The following SLC2A13 variants were observed in gnomAD, a reference collection of about 807,000 sequenced individuals.
SLC2A13 encodes proton myo-inositol cotransporter.
SLC2A13 carries 32 observed loss-of-function variants against 64.4 expected under a neutral mutation model. The observed-to-expected ratio is 0.50, with a 90% confidence interval of 0.37 to 0.67. SLC2A13 has a LOEUF of 0.67. Among genes scored for constraint, SLC2A13 ranks in the 30% least tolerant of loss-of-function variants. The pLI, the probability that SLC2A13 is intolerant of heterozygous loss-of-function variation, is 0.00. For synonymous variants in SLC2A13, 338 were observed against 327.1 expected, an observed-to-expected ratio of 1.03 and a Z score of -0.36; for missense variants, 743 against 829.2, an observed-to-expected ratio of 0.90 and a Z score of 1.28.
At chr12:39,953,886 A>G (rs1946273941) in intron 3 of SLC2A13, among the ~76,000 whole-genome samples, 2 of 152,170 alleles carry the variant, frequency 1.3e-5, no homozygotes, top group African/African-American at 4.8e-5. Context: ...AGCAGGGATG[A>G]AAAAGAGTCC....
chr12:39,896,509 C>CATGTATACATGTATGTATGT (rs1256037530), intron 4 of SLC2A13, among the ~76,000 whole-genome samples: 2 of 131,226 alleles, frequency 1.5e-5, no homozygotes, highest in East Asian at 2.3e-4. Flanking sequence ...TATGTATGTA[C>CATGTATACATGTATGTATGT]ATGTGTGTAT....
chr12:39,769,762 CTCTCA>C (rs1164343160), intron 7 of SLC2A13, among the ~76,000 whole-genome samples: 1 of 148,782 alleles, frequency 6.7e-6, no homozygotes, highest in East Asian at 1.9e-4. Flanking sequence ...TGTTCAACTC[CTCTCA>C]TATTACCACA....
chr12:39,930,673 A>G (rs1272480834), intron 4 of SLC2A13, among the ~76,000 whole-genome samples: 1 of 152,236 alleles, frequency 6.6e-6, no homozygotes, highest in Non-Finnish European at 1.5e-5. Flanking sequence ...CTTTCACAGT[A>G]AGATTTATAG....
chr12:39,956,039 T>A (rs1946309251), intron 3 of SLC2A13, among the ~76,000 whole-genome samples: 1 of 152,154 alleles, frequency 6.6e-6, no homozygotes, highest in South Asian at 2.1e-4. Flanking sequence ...ATGACCAATA[T>A]CAGGAGTAAA....
intron 1 of SLC2A13, 27 bp from the exon 2 acceptor site, chr12:40,048,237 G>C (rs373932303): frequency 1.5e-5 from 23 of 1,574,592 alleles, no homozygotes; most frequent in Non-Finnish European, 2.0e-5. Flanking sequence ...AAGTAAATGT[G>C]AGACATTTAC....
intron 3 of SLC2A13, among the ~76,000 whole-genome samples, chr12:39,951,940 A>G (rs980704961): frequency 9.9e-5 from 15 of 152,116 alleles, no homozygotes; most frequent in Non-Finnish European, 4.4e-5. Flanking sequence ...AAGAAAAACA[A>G]TTAATACCTA....
chr12:40,040,129 G>A (rs1319623943), intron 2 of SLC2A13, among the ~76,000 whole-genome samples: 1 of 152,158 alleles, frequency 6.6e-6, no homozygotes, highest in Non-Finnish European at 1.5e-5. Context: ...CGAATATAGA[G>A]ACTTAACCTA....
intron 5 of SLC2A13, among the ~76,000 whole-genome samples, chr12:39,871,257 T>C (rs1264574704): frequency 6.6e-6 from 1 of 152,178 alleles, no homozygotes. Flanking sequence ...TTTGCTATCA[T>C]AGAAAATACA....
chr12:39,970,746 G>T (rs1052977204), intron 3 of SLC2A13, among the ~76,000 whole-genome samples: 1 of 152,082 alleles, frequency 6.6e-6, no homozygotes, highest in Non-Finnish European at 1.5e-5. Context: ...TAATATCAGG[G>T]TCCTGATGCT....
chr12:40,066,941 G>A (rs940268972), intron 1 of SLC2A13, among the ~76,000 whole-genome samples: 2 of 152,112 alleles, frequency 1.3e-5, no homozygotes, highest in Non-Finnish European at 2.9e-5. Flanking sequence ...AATTCTTAGG[G>A]AAACTAATTT....
In SLC2A13 at chr12:39,923,548, G is replaced by A. The variant is rs75284910; in HGVS notation, c.1034+27709C>T. Among the ~76,000 whole-genome samples the A allele has an allele frequency of 1.7e-3, 259 of 151,894 alleles. 1 individual carries two copies. The highest frequency in any genetic ancestry group is 5.5e-3 in the African/African-American group (226 of 41,440). On this transcript the variant is annotated intron_variant, in intron 4 of 9. Coordinates refer to ENST00000280871, the MANE Select transcript of SLC2A13 (RefSeq NM_052885.4). ...TAATGTGTACAGAGTTTCTGTTTGG[G>A]GCAATGAAAAAGTTCCAGAAATGGA...
chr12:40,023,033 C>T (rs760049546), intron 3 of SLC2A13, among the ~76,000 whole-genome samples: 1 of 152,180 alleles, frequency 6.6e-6, no homozygotes, highest in Non-Finnish European at 1.5e-5. Flanking sequence ...TCTCCCTTGC[C>T]TGCCTTCCTT....
At chr12:39,891,662 A>C (rs1200352861) in intron 4 of SLC2A13, among the ~76,000 whole-genome samples, 3 of 152,144 alleles carry the variant, frequency 2.0e-5, no homozygotes, top group Non-Finnish European at 4.4e-5. Flanking sequence ...GGTATGTATT[A>C]CTATTGCAAT....
chr12:39,864,981 A>G, intron 5 of SLC2A13, 99 bp from the exon 6 acceptor site: 1 of 1,148,028 alleles, frequency 8.7e-7, no homozygotes. Flanking sequence ...AGAAACAAAC[A>G]AAAACTCCTG....
intron 6 of SLC2A13, among the ~76,000 whole-genome samples, chr12:39,838,840 C>T (rs556761285): frequency 7.9e-5 from 12 of 152,128 alleles, no homozygotes; most frequent in East Asian, 3.9e-4. Flanking sequence ...CTCTGCAAAA[C>T]GGTCCATTTG....
At chr12:39,864,918 G>A (rs1592219665) in intron 5 of SLC2A13, 36 bp from the exon 6 acceptor site, 3 of 1,573,148 alleles carry the variant, frequency 1.9e-6, no homozygotes, top group African/African-American at 1.4e-5. Flanking sequence ...GAGAAGAGTT[G>A]ACAATATTGT....
intron 7 of SLC2A13, among the ~76,000 whole-genome samples, chr12:39,825,511 G>C (rs982691833): frequency 6.6e-6 from 1 of 152,012 alleles, no homozygotes; most frequent in African/African-American, 2.4e-5. Flanking sequence ...CTGTAAGTAG[G>C]GTATAGAAAT....
chr12:39,883,997 C>T (rs1944409423), intron 4 of SLC2A13, among the ~76,000 whole-genome samples: 1 of 152,188 alleles, frequency 6.6e-6, no homozygotes, highest in African/African-American at 2.4e-5. Flanking sequence ...CTTCTTTACA[C>T]ATTTCCAATT....
At chr12:40,007,378 TATAA>T (rs1215427907) in intron 3 of SLC2A13, among the ~76,000 whole-genome samples, 1 of 152,272 alleles carries the variant, frequency 6.6e-6, no homozygotes, top group East Asian at 1.9e-4. Context: ...TCAAGAATAG[TATAA>T]ATATTCTAAA....
Sources: allele counts gnomAD v4.1 joint callset (sites outside exome capture counted in the v4.1 genomes callset), GRCh38; gene constraint gnomAD v4.1.1; transcripts MANE v1.5; gene names NCBI Gene and HGNC (gene_info 2026-07-23, HGNC 2026-07-21).